The following PGAP4 variants were observed in gnomAD, a reference collection of about 807,000 sequenced individuals.
The protein encoded by PGAP4 is post-GPI attachment to proteins GalNAc transferase 4.
Under a neutral mutation model 28.2 loss-of-function variants are expected in PGAP4, and 12 were observed. The observed-to-expected ratio is 0.42, with a 90% confidence interval of 0.27 to 0.69. The LOEUF (loss-of-function observed/expected upper bound fraction) is 0.69, where lower values mean the gene tolerates loss of function less well. Among genes scored for constraint, PGAP4 ranks in the 30% least tolerant of loss-of-function variants. The pLI, the probability that PGAP4 is intolerant of heterozygous loss-of-function variation, is 0.22. For synonymous variants in PGAP4, 205 were observed against 211.8 expected (o/e 0.97, Z 0.28); for missense variants, 425 against 513.5 (o/e 0.83, Z 1.67).
In PGAP4 at chr9:101,473,719, G is replaced by C. The variant is rs2118467804; in HGVS notation, c.*2162C>G. ...AAACCAGCAGTGCTTCCCTATCTTG[G>C]GCCTGGCTAGCTTAAAGGGGCTCTA... On this transcript the variant is annotated 3_prime_UTR_variant, in exon 2 of 2. Transcript: ENST00000374848. 1 of 152,362 alleles carries C rather than the reference G, an allele frequency of 6.6e-6. No homozygotes were observed. Among genetic ancestry groups the C allele is most frequent in the South Asian group, 2.1e-4 (1 of 4,818 alleles). 9.4% of individuals were successfully genotyped at this position (152,362 alleles called of 1,614,324 possible).
intron 2 of PGAP4, among the ~76,000 whole-genome samples, chr9:101,502,215 A>G (rs549403593): frequency 6.6e-5 from 10 of 152,100 alleles, no homozygotes; most frequent in African/African-American, 1.9e-4. Context: ...GACACTCTTA[A>G]TCTGGAATTT....
rs532776092 is a variant in PGAP4 at position 101,473,640 on chromosome 9, G to A, written c.*2241C>T. ...CTTAGCCTTCCATAATGGAGAAGTC[G>A]GGCAGGGGATGTCTGCATGCAATAG... On this transcript the variant is annotated 3_prime_UTR_variant, in exon 2 of 2. Transcript: ENST00000374848. The A allele has an allele frequency of 6.6e-6, 1 of 152,402 alleles. No individual in the cohort carries two copies. Among genetic ancestry groups the A allele is most frequent in the South Asian group, 2.1e-4 (1 of 4,832 alleles). 9.4% of individuals were successfully genotyped at this position (152,402 alleles called of 1,614,324 possible).
chr9:101,501,581 A>G, intron 2 of PGAP4: 1 of 436,136 alleles, frequency 2.3e-6, no homozygotes. Flanking sequence ...TAAGTGGAAA[A>G]TTGTGTGGAT....
chr9:101,479,522 C>T (rs550133364), intron 1 of PGAP4, among the ~76,000 whole-genome samples: 70 of 152,240 alleles, frequency 4.6e-4, no homozygotes, highest in African/African-American at 1.5e-3. Flanking sequence ...ATCAGGAGAA[C>T]CTTTGGTCCC....
At chr9:101,519,648 T>C (rs1382179850) in intron 2 of PGAP4, among the ~76,000 whole-genome samples, 1 of 150,202 alleles carries the variant, frequency 6.7e-6, no homozygotes, top group Non-Finnish European at 1.5e-5. Context: ...TATGTATATA[T>C]ATACATACAT....
exon 1 of PGAP4, chr9:101,533,103 A>T (rs1827121016): frequency 6.6e-6 from 1 of 152,176 alleles, no homozygotes; most frequent in South Asian, 2.1e-4. Flanking sequence ...CTTAAAAAAA[A>T]AAATCAATGC....
At chr9:101,506,063 A>G (rs745753274) in intron 2 of PGAP4, among the ~76,000 whole-genome samples, 1 of 152,106 alleles carries the variant, frequency 6.6e-6, no homozygotes, top group Non-Finnish European at 1.5e-5. Flanking sequence ...AAATGTTACC[A>G]TTTGTGCAAA....
In PGAP4 at chr9:101,493,876, G is replaced by A. The variant is rs544855731; in HGVS notation, c.-164-4676C>T. On this transcript the variant is annotated intron_variant, in intron 2 of 3. Coordinates refer to the PGAP4 transcript ENST00000374851. ...GTTGGAGAGTTGTAGCCAAATATTGGGGGAGATTAGGAGAATGTAGGATCT... is the reference window on the plus strand; with the variant it reads ...GTTGGAGAGTTGTAGCCAAATATTGAGGGAGATTAGGAGAATGTAGGATCT... 1.2e-3 allele frequency among the ~76,000 whole-genome samples: 190 copies of A among 152,066 alleles called. 1 individual carries two copies. The highest frequency in any genetic ancestry group is 4.4e-3 in the African/African-American group (182 of 41,494).
At chr9:101,487,830 A>G (rs1173627020), upstream of PGAP4, among the ~76,000 whole-genome samples, 2 of 152,226 alleles carry the variant, frequency 1.3e-5, no homozygotes, top group Admixed American at 1.3e-4. Flanking sequence ...TCAAAATTTG[A>G]TGATCGTAAA....
rs541895228 is a variant in PGAP4 at position 101,504,906 on chromosome 9, G to A, written c.-164-15706C>T. Among the ~76,000 whole-genome samples, 4 of 152,134 alleles carry A rather than the reference G, an allele frequency of 2.6e-5. No homozygotes were observed. The South Asian group carries it at 8.3e-4, about 32-fold the overall frequency. On this transcript the variant is annotated intron_variant, in intron 2 of 3. Coordinates refer to the PGAP4 transcript ENST00000374851. ...GGTTGGGCACCAAAAAGCTGCCAGT[G>A]GACCCTGTCACCTACAAAAAGACTC...
intron 2 of PGAP4, among the ~76,000 whole-genome samples, chr9:101,519,635 A>T (rs761619278): frequency 5.3e-5 from 8 of 150,272 alleles, no homozygotes; most frequent in Non-Finnish European, 8.9e-5. Context: ...ATATATGTAT[A>T]TGTATGTATA....
chr9:101,479,224 G>A (rs555846860), intron 1 of PGAP4, among the ~76,000 whole-genome samples: 4 of 152,360 alleles, frequency 2.6e-5, no homozygotes, highest in South Asian at 4.1e-4. Flanking sequence ...GTGATTGAAC[G>A]TGGCCTCACC....
rs140845124 is a variant in PGAP4, at chr9:101,527,309, C to T, written c.-165+4039G>A. ...AAGGGGTGCTGATGAGGCAAGATTC[C>T]GAACATTTGTGGATTCCTGGCCGTA... On this transcript the variant is annotated intron_variant, in intron 2 of 3. Coordinates refer to the PGAP4 transcript ENST00000374851. Among the ~76,000 whole-genome samples the T allele has an allele frequency of 4.5e-3, 688 of 152,238 alleles. 2 individuals are homozygous for T. The highest frequency in any genetic ancestry group is 8.1e-3 in the Non-Finnish European group (550 of 68,006).
In PGAP4 at chr9:101,520,284, T is replaced by C. The variant is rs142590237; in HGVS notation, c.-165+11064A>G. 1.8e-3 allele frequency among the ~76,000 whole-genome samples: 273 copies of C among 152,312 alleles called. 2 individuals are homozygous for C. The highest frequency in any genetic ancestry group is 6.3e-3 in the African/African-American group (261 of 41,570). The stretch of plus-strand genomic sequence containing the variant: ...TTATTTTGATAAGGATTGCATTGAA[T>C]TGTTAGATTGCTTTTGACAGTATGG... On this transcript the variant is annotated intron_variant, in intron 2 of 3. Transcript: ENST00000374851.
chr9:101,520,112 A>T (rs1270261753), intron 2 of PGAP4, among the ~76,000 whole-genome samples: 1 of 152,148 alleles, frequency 6.6e-6, no homozygotes, highest in Non-Finnish European at 1.5e-5. Context: ...TGTTTTGGTG[A>T]CTATGGCCTT....
At chr9:101,510,982 C>T (rs1826893100) in intron 2 of PGAP4, among the ~76,000 whole-genome samples, 1 of 152,136 alleles carries the variant, frequency 6.6e-6, no homozygotes, top group Non-Finnish European at 1.5e-5. Context: ...ATTATGGTCT[C>T]TGTGCAGTCA....
intron 2 of PGAP4, among the ~76,000 whole-genome samples, chr9:101,493,113 G>A (rs189946486): frequency 2.6e-5 from 4 of 151,932 alleles, no homozygotes; most frequent in Non-Finnish European, 5.9e-5. Flanking sequence ...AATTAGCCGG[G>A]TGTGGTGGCA....
intron 2 of PGAP4, among the ~76,000 whole-genome samples, chr9:101,518,153 C>T (rs745473467): frequency 3.9e-5 from 6 of 152,096 alleles, no homozygotes; most frequent in African/African-American, 7.2e-5. Context: ...TCTGTTCCTG[C>T]GTTAATTTGC....
intron 2 of PGAP4, among the ~76,000 whole-genome samples, chr9:101,499,081 A>G (rs779274422): frequency 1.3e-5 from 2 of 152,026 alleles, no homozygotes; most frequent in Admixed American, 6.6e-5. Flanking sequence ...AGAGTATTCA[A>G]TCGAAAAAGA....
Sources: allele counts gnomAD v4.1 joint callset (sites outside exome capture counted in the v4.1 genomes callset), GRCh38; gene constraint gnomAD v4.1.1; transcripts MANE v1.5; gene names NCBI Gene and HGNC (gene_info 2026-07-23, HGNC 2026-07-21).